Variants in ZNF837 observed in about 807,000 individuals in gnomAD.
ZNF837 encodes the protein zinc finger protein 837.
For synonymous variants in ZNF837, 475 were observed against 365.2 expected (o/e 1.30, Z -3.43); for missense variants, 955 against 801.7 (o/e 1.19, Z -2.31).
chr19:58,379,188 T>C (rs1399648492), intron 1 of ZNF837, among the ~76,000 whole-genome samples: 2 of 152,184 alleles, frequency 1.3e-5, no homozygotes, highest in Admixed American at 1.3e-4. Context: ...AGCTGGGTTG[T>C]CCTGAAGAAC....
intron 1 of ZNF837, among the ~76,000 whole-genome samples, chr19:58,370,578 A>ATAGG (rs1363583019): frequency 1.3e-5 from 2 of 152,172 alleles, no homozygotes; most frequent in Non-Finnish European, 2.9e-5. Context: ...TTCATCTCCT[A>ATAGG]AGCAAGCAAT....
At position 58,369,323 on chromosome 19, in the gene ZNF837, G is replaced by C; in HGVS notation, c.10C>G (p.Pro4Ala). 1 of 1,365,486 alleles carries C rather than the reference G, an allele frequency of 7.3e-7. No individual in the cohort carries two copies. The highest frequency in any genetic ancestry group is 9.4e-7 in the Non-Finnish European group (1 of 1,064,568). 84.6% of individuals were successfully genotyped at this position (1,365,486 alleles called of 1,614,324 possible). ...CCTCCCTGCCCAGCCTTCTGGGCTG[G>C]AGCCTCCATCCTGGGGCGCAGAGTT... The part of the protein sequence containing the change: MEA[P>A]AQKAGQGGLP... Residue 4 changes from proline (P) to alanine (A), a missense_variant, in exon 3 of 3, where the codon CCA (proline) becomes GCA (alanine). Physicochemically the swap from Pro to Ala is conservative, Grantham distance 27. Transcript: ENST00000597582.
intron 1 of ZNF837, among the ~76,000 whole-genome samples, chr19:58,379,198 C>T (rs930308524): frequency 5.9e-5 from 9 of 152,296 alleles, no homozygotes; most frequent in Middle Eastern, 3.4e-3. Context: ...TCCTGAAGAA[C>T]CAGCAGTCCC....
At chr19:58,376,939 C>T (rs868075954) in intron 1 of ZNF837, among the ~76,000 whole-genome samples, 4 of 148,976 alleles carry the variant, frequency 2.7e-5, no homozygotes, top group African/African-American at 9.9e-5. Flanking sequence ...AAAAAATGGC[C>T]GGACGTGGTG....
rs533563533 is a variant in ZNF837 at position 58,378,046 on chromosome 19, C to A, written c.-140+2895G>T. Among the ~76,000 whole-genome samples the A allele has an allele frequency of 3.3e-5, 5 of 152,230 alleles. No individual in the cohort carries two copies. The South Asian group carries it at 1.0e-3, about 31-fold the overall frequency. ...AGGTTTTGTAGTGTTCCCTCGTCTA[C>A]CTCTGAGAGGCCAGGCTGACTGAAG... is the stretch of plus-strand genomic sequence containing the variant. On this transcript the variant is annotated intron_variant, in intron 1 of 2. Coordinates refer to ENST00000597582, the MANE Select transcript of ZNF837 (RefSeq NM_138466.2).
intron 1 of ZNF837, among the ~76,000 whole-genome samples, chr19:58,375,407 G>T (rs1225197045): frequency 6.8e-6 from 1 of 147,474 alleles, no homozygotes; most frequent in Non-Finnish European, 1.5e-5. Flanking sequence ...ATTGTAAAAT[G>T]GTTCATTTGT....
rs958266715 is a variant in ZNF837, at chr19:58,367,969, G to A, written c.1364C>T (p.Thr455Ile). Residue 455 changes from threonine (T) to isoleucine (I), a missense_variant, in exon 3 of 3, where the codon ACC becomes ATC. Coordinates refer to ENST00000597582, the MANE Select transcript of ZNF837 (RefSeq NM_138466.2). The part of the protein sequence containing the change: ...RPYGCSECGK[T>I]FRGCSELRQH... ...GCGCAGCTCGGAGCAGCCGCGGAAG[G>A]TCTTTCCGCACTCGGAGCAGCCATA... The A allele has an allele frequency of 2.0e-6, 3 of 1,532,802 alleles. No homozygotes were observed. The highest frequency in any genetic ancestry group is 1.8e-4 in the Middle Eastern group (1 of 5,566). The allele number at this position is 1,532,802 out of a possible 1,614,324, so 95.0% of individuals were successfully genotyped here. A position where few individuals can be genotyped will look rare whatever the true frequency, so the allele number is the denominator to read the frequency against.
chr19:58,371,110 G>C (rs190963054), intron 1 of ZNF837, among the ~76,000 whole-genome samples: 295 of 152,038 alleles, frequency 1.9e-3, no homozygotes, highest in African/African-American at 6.6e-3. Context: ...GCGTGGTGGC[G>C]GGCGCCTGTA....
chr19:58,369,127 C>A lies in ZNF837; in HGVS notation c.206G>T (p.Ser69Ile), dbSNP rs765837736. 3.8e-5 allele frequency: 56 copies of A among 1,472,598 alleles called. 1 individual carries two copies. The South Asian group carries it at 6.6e-4, about 17-fold the overall frequency. The allele number at this position is 1,472,598 out of a possible 1,614,324, so 91.2% of individuals were successfully genotyped here. Residue 69 changes from serine to isoleucine, a missense_variant, in exon 3 of 3, where the codon AGC (serine) becomes ATC (isoleucine). By Grantham distance (142) the Ser-to-Ile change is moderately radical. Coordinates refer to ENST00000597582, the MANE Select transcript of ZNF837 (RefSeq NM_138466.2). ...CCCCGGGCCGGGGCTCACCCCGAGGCTGCAGCCCCGGGAGCCCCCGCCTGG... is the reference window on the plus strand; with the variant it reads ...CCCCGGGCCGGGGCTCACCCCGAGGATGCAGCCCCGGGAGCCCCCGCCTGG... ...TPPGGGSRGC[S>I]LGVSPGPGTR... is the part of the protein sequence containing the mutation.
chr19:58,371,356 T>A (rs560941878), intron 1 of ZNF837, among the ~76,000 whole-genome samples: 34 of 151,694 alleles, frequency 2.2e-4, no homozygotes, highest in African/African-American at 7.7e-4. Flanking sequence ...TGCAGTAAGC[T>A]GGGATTGGGC....
chr19:58,371,116 C>T (rs2052197766), intron 1 of ZNF837, among the ~76,000 whole-genome samples: 1 of 151,846 alleles, frequency 6.6e-6, no homozygotes, highest in Non-Finnish European at 1.5e-5. Context: ...TGGCGGGCGC[C>T]TGTAGTCCCA....
chr19:58,379,305 G>A (rs1329193302), intron 1 of ZNF837, among the ~76,000 whole-genome samples: 3 of 152,190 alleles, frequency 2.0e-5, no homozygotes, highest in African/African-American at 7.2e-5. Context: ...GTCCCCAGAT[G>A]CCCTGCTCCC....
rs779171692 is a variant in ZNF837, at chr19:58,368,591, C to G, written c.742G>C (p.Val248Leu). The G allele has an allele frequency of 1.3e-5, 20 of 1,535,308 alleles. No homozygotes were observed. The highest frequency in any genetic ancestry group is 1.6e-5 in the Non-Finnish European group (18 of 1,144,838). ...QQQQAGKSPP[V>L]CPECGQTSRP... ...GAGGTTTGGCCGCACTCAGGACACACTGGGGGACTCTTGCCCGCCTGCTGC... is the reference window on the plus strand; with the variant it reads ...GAGGTTTGGCCGCACTCAGGACACAGTGGGGGACTCTTGCCCGCCTGCTGC... Residue 248 changes from valine (V) to leucine (L), a missense_variant, in exon 3 of 3, where the codon GTG (valine) becomes CTG (leucine). By Grantham distance (32) the Val-to-Leu change is conservative (BLOSUM62 1). Coordinates refer to ENST00000597582, the MANE Select transcript of ZNF837 (RefSeq NM_138466.2).
At chr19:58,371,780 G>A (rs1016410028) in intron 1 of ZNF837, among the ~76,000 whole-genome samples, 1 of 152,202 alleles carries the variant, frequency 6.6e-6, no homozygotes, top group African/African-American at 2.4e-5. Flanking sequence ...GCAGTGCAGT[G>A]GCGCCATCTC....
In ZNF837 at chr19:58,380,980, C is replaced by G. The variant is rs921617940; in HGVS notation, c.-179G>C. On this transcript the variant is annotated 5_prime_UTR_variant, in exon 1 of 3. Coordinates refer to ENST00000597582, the MANE Select transcript of ZNF837 (RefSeq NM_138466.2). ...CCGCACGGGTCCCTGGTCCCCGCCC[C>G]GCATGCAGCGCGGAGCCGTCCTCCC... 3.3e-5 allele frequency: 5 copies of G among 152,240 alleles called. No homozygotes were observed. The highest frequency in any genetic ancestry group is 1.3e-4 in the Admixed American group (2 of 15,292). The allele number at this position is 152,240 out of a possible 1,614,324, so 9.4% of individuals were successfully genotyped here.
At position 58,372,931 on chromosome 19, in the gene ZNF837, A is replaced by G. The variant is rs144489422; in HGVS notation, c.-139-3003T>C. ...TGCTGGCCTGAGCTGGAGAGCAGAA[A>G]GGCCCAGTGCCAAGGGTTCAGCAAG... is the stretch of plus-strand genomic sequence containing the variant. On this transcript the variant is annotated intron_variant, in intron 1 of 2. Coordinates refer to ENST00000597582, the MANE Select transcript of ZNF837 (RefSeq NM_138466.2). Among the ~76,000 whole-genome samples, 412 of 152,346 alleles carry G rather than the reference A, an allele frequency of 2.7e-3. 2 individuals are homozygous for G. The highest frequency in any genetic ancestry group is 9.2e-3 in the African/African-American group (383 of 41,590).
chr19:58,372,428 G>A (rs531939285), intron 1 of ZNF837, among the ~76,000 whole-genome samples: 1 of 127,298 alleles, frequency 7.9e-6, no homozygotes, highest in South Asian at 2.6e-4. Flanking sequence ...AACACTTGGG[G>A]AGTCCGGGGG....
Position 58,368,967 on chromosome 19 carries a change from C to A in ZNF837, c.366G>T (p.Gly122=), listed in dbSNP as rs1181652763. Residue 122 remains glycine (G), a synonymous_variant, in exon 3 of 3, where the codon GGG becomes GGT. Transcript: ENST00000597582. ...EGPCRSPARG[G]DCSRNSCLAW... ...CCAGGCAGGAGTTCCTGCTGCAGTC[C>A]CCGCCACGCGCTGGGCTCCTACAGG... The A allele has an allele frequency of 1.3e-6, 2 of 1,536,042 alleles. No individual in the cohort carries two copies. Among genetic ancestry groups the A allele is most frequent in the Non-Finnish European group, 1.8e-6 (2 of 1,138,256 alleles).
Position 58,374,436 on chromosome 19 carries a change from C to G in ZNF837, c.-139-4508G>C, listed in dbSNP as rs181991498. 3.9e-5 allele frequency among the ~76,000 whole-genome samples: 6 copies of G among 152,176 alleles called. No individual in the cohort carries two copies. The East Asian group carries it at 9.6e-4, about 24-fold the overall frequency. The stretch of plus-strand genomic sequence containing the variant: ...AGTAAAAGCAGTGAGTCACAAAAGA[C>G]CACATATTGCATAATTCCATTTATA... On this transcript the variant is annotated intron_variant, in intron 1 of 2. Transcript: ENST00000597582.
Sources: gnomAD v4.1 joint callset for allele counts (sites outside exome capture counted in the v4.1 genomes callset) on GRCh38, gnomAD v4.1.1 for gene constraint, MANE v1.5 for transcripts, NCBI Gene and HGNC (gene_info 2026-07-23, HGNC 2026-07-21) for gene names.